CSMD1: variants seen among roughly 807,000 people sequenced by gnomAD.
CSMD1 encodes the protein CUB and sushi domain-containing protein 1.
Under a neutral mutation model 417.5 loss-of-function variants are expected in CSMD1, and 213 were observed. That is an observed-to-expected ratio of 0.51 (90% confidence interval 0.46 to 0.57). CSMD1 has a LOEUF of 0.57. CSMD1 is among the 20% of genes least tolerant of loss of function. CSMD1 has a pLI of 0.00. For missense variants in CSMD1, 6,923 were observed against 4,529.7 expected (o/e 1.53, Z -15.17); for synonymous variants, 2,862 against 1,736.8 (o/e 1.65, Z -16.11).
At chr8:3,550,579 C>A (rs562607909) in intron 10 of CSMD1, among the ~76,000 whole-genome samples, 1 of 152,190 alleles carries the variant, frequency 6.6e-6, no homozygotes, top group Non-Finnish European at 1.5e-5. Context: ...CTTATGGGTG[C>A]ATCATCCCTA....
intron 41 of CSMD1, among the ~76,000 whole-genome samples, chr8:3,127,157 C>T (rs750669215): frequency 3.3e-5 from 5 of 152,158 alleles, no homozygotes; most frequent in South Asian, 2.1e-4. Context: ...TTTTCTGTCT[C>T]GTACATGGTT....
intron 1 of CSMD1, among the ~76,000 whole-genome samples, chr8:4,681,972 A>G (rs1244972831): frequency 6.6e-6 from 1 of 152,164 alleles, no homozygotes; most frequent in Non-Finnish European, 1.5e-5. Context: ...TTTCTGTGGA[A>G]AGCGTTATTA....
At position 3,709,680 on chromosome 8, in the gene CSMD1, G is replaced by GGCTTTTTTTTTTTTTTTT. The variant is rs1554518393; in HGVS notation, c.932-1190_932-1189insAAAAAAAAAAAAAAAAGC. Reference sequence around the variant, plus strand: ...GATGGGCTTTAAATTGCAGCAGCATGTTTTTTTTTTTTTTTTTTTTTTTTT... The same window carrying GGCTTTTTTTTTTTTTTTT: ...GATGGGCTTTAAATTGCAGCAGCATGGCTTTTTTTTTTTTTTTTTTTTTTTTTTTTTTTTTTTTTTTTT... On this transcript the variant is annotated intron_variant, in intron 6 of 69. Coordinates refer to ENST00000635120, the MANE Select transcript of CSMD1 (RefSeq NM_033225.6). Among the ~76,000 whole-genome samples the GGCTTTTTTTTTTTTTTTT allele has an allele frequency of 1.2e-3, 39 of 33,702 alleles. 5 individuals are homozygous for GGCTTTTTTTTTTTTTTTT. The highest frequency in any genetic ancestry group is 3.4e-3 in the African/African-American group (32 of 9,452). The allele number at this position is 33,702 out of a possible 152,430, so 22.1% of individuals were successfully genotyped here.
intron 7 of CSMD1, among the ~76,000 whole-genome samples, chr8:3,706,706 G>C (rs569707164): frequency 6.6e-6 from 1 of 151,614 alleles, no homozygotes; most frequent in Non-Finnish European, 1.5e-5. Flanking sequence ...GAGTTTGGCC[G>C]GATATGTGGT....
At chr8:4,551,966 C>G (rs1308704013) in intron 2 of CSMD1, among the ~76,000 whole-genome samples, 1 of 151,792 alleles carries the variant, frequency 6.6e-6, no homozygotes. Flanking sequence ...GGACTACAGG[C>G]ATGAGCCACT....
At chr8:3,154,377 G>C (rs892893838) in intron 39 of CSMD1, among the ~76,000 whole-genome samples, 4 of 152,178 alleles carry the variant, frequency 2.6e-5, no homozygotes, top group Admixed American at 1.3e-4. Flanking sequence ...CCTCCTGCCT[G>C]GGAAGCTCCC....
At chr8:3,278,001 GT>G (rs1294732935) in intron 26 of CSMD1, among the ~76,000 whole-genome samples, 1 of 152,120 alleles carries the variant, frequency 6.6e-6, no homozygotes, top group African/African-American at 2.4e-5. Context: ...CTTAATGTTT[GT>G]TGCTTCTTAA....
chr8:3,421,283 G>C (rs1190450732), intron 12 of CSMD1, among the ~76,000 whole-genome samples: 1 of 152,170 alleles, frequency 6.6e-6, no homozygotes, highest in African/African-American at 2.4e-5. Flanking sequence ...CCCTGAGTAG[G>C]TCCTCCACAA....
At chr8:3,508,528 A>G (rs1001574246) in intron 10 of CSMD1, among the ~76,000 whole-genome samples, 33 of 152,230 alleles carry the variant, frequency 2.2e-4, no homozygotes, top group African/African-American at 7.5e-4. Context: ...AAAAAATAGA[A>G]TATTTTTTAA....
chr8:4,429,503 A>G (rs1408619547), intron 2 of CSMD1, among the ~76,000 whole-genome samples: 1 of 152,206 alleles, frequency 6.6e-6, no homozygotes, highest in African/African-American at 2.4e-5. Context: ...ATTAGCTTAT[A>G]TAATTTGTAG....
chr8:4,300,512 T>C (rs759719934), intron 3 of CSMD1, among the ~76,000 whole-genome samples: 3 of 152,196 alleles, frequency 2.0e-5, no homozygotes, highest in South Asian at 2.1e-4. Context: ...CTGAAGGAAA[T>C]GTCCTTTACA....
Position 4,802,026 on chromosome 8 carries a change from C to T in CSMD1, c.86-164468G>A, listed in dbSNP as rs117233798. 4.7e-3 allele frequency among the ~76,000 whole-genome samples: 717 copies of T among 152,170 alleles called. 5 individuals are homozygous for T. The highest frequency in any genetic ancestry group is 7.9e-3 in the Non-Finnish European group (535 of 67,996). ...TTTTGCTTCCCTGGTGTAGACAGAC[C>T]ATTTGCAAAGGGCATTAATGGACGT... On this transcript the variant is annotated intron_variant, in intron 1 of 69. Transcript: ENST00000635120.
chr8:4,609,213 A>C (rs150352690), intron 2 of CSMD1, among the ~76,000 whole-genome samples: 191 of 152,274 alleles, frequency 1.3e-3, no homozygotes, highest in South Asian at 9.1e-3. Flanking sequence ...CAGCCTGGAC[A>C]AGATGGTGAA....
intron 3 of CSMD1, among the ~76,000 whole-genome samples, chr8:4,076,372 T>C (rs1266208170): frequency 6.6e-6 from 1 of 152,196 alleles, no homozygotes; most frequent in African/African-American, 2.4e-5. Context: ...AAAGTTACCC[T>C]GTCTGAGGTA....
chr8:3,793,854 A>G (rs965733930), intron 5 of CSMD1, among the ~76,000 whole-genome samples: 1 of 152,136 alleles, frequency 6.6e-6, no homozygotes, highest in Non-Finnish European at 1.5e-5. Flanking sequence ...CTCAATAAAT[A>G]TTGACTGAGT....
chr8:3,511,443 G>T (rs1797063003), intron 10 of CSMD1, among the ~76,000 whole-genome samples: 4 of 151,640 alleles, frequency 2.6e-5, no homozygotes, highest in Non-Finnish European at 4.4e-5. Flanking sequence ...TCCTCCAAAA[G>T]AAGAGAAGGT....
In CSMD1 at chr8:4,063,021, C is replaced by T. The variant is rs58485597; in HGVS notation, c.416-30922G>A. Among the ~76,000 whole-genome samples, 1,208 of 151,922 alleles carry T rather than the reference C, an allele frequency of 8.0e-3. 17 individuals carry two copies. Among genetic ancestry groups the T allele is most frequent in the African/African-American group, 0.021 (861 of 41,438 alleles). On this transcript the variant is annotated intron_variant, in intron 3 of 69. Transcript: ENST00000635120. Reference sequence around the variant, plus strand: ...ACTTATTAAGAGATACTGTTAGTTACATAATTTAGGAAGAAACGTTGGCTA... The same window carrying T: ...ACTTATTAAGAGATACTGTTAGTTATATAATTTAGGAAGAAACGTTGGCTA...
chr8:3,429,624 C>T (rs1814087181), intron 12 of CSMD1, among the ~76,000 whole-genome samples: 1 of 152,148 alleles, frequency 6.6e-6, no homozygotes, highest in Non-Finnish European at 1.5e-5. Context: ...GTGGTGAAAA[C>T]AAGGGTTGAT....
chr8:3,565,131 C>CAAAAAA (rs869248314), intron 10 of CSMD1, among the ~76,000 whole-genome samples: 269 of 10,446 alleles, frequency 0.026, 37 homozygotes, highest in Non-Finnish European at 0.035. Flanking sequence ...TGCAAGACAG[C>CAAAAAA]AAAAAAAAAA....
Sources: gnomAD v4.1 joint callset for allele counts (sites outside exome capture counted in the v4.1 genomes callset) on GRCh38, gnomAD v4.1.1 for gene constraint, MANE v1.5 for transcripts, NCBI Gene and HGNC (gene_info 2026-07-23, HGNC 2026-07-21) for gene names.